Variants in SATL1 observed in about 807,000 individuals in gnomAD.
The protein encoded by SATL1 is spermidine/spermine N1-acetyl transferase like 1, also known as spermidine/spermine N(1)-acetyltransferase-like protein 1.
Under a neutral mutation model 51.8 loss-of-function variants are expected in SATL1, and 47 were observed. The ratio of observed to expected loss-of-function variants is 0.91; its 90% confidence interval spans 0.72 to 1.16. The LOEUF is 1.16. SATL1 is among the 50% of genes most tolerant of loss of function. The probability of loss-of-function intolerance (pLI) is 0.00; values close to 1 mark genes in which losing one functional copy is unlikely to be tolerated. For synonymous variants in SATL1, 176 were observed against 182.4 expected, an observed-to-expected ratio of 0.97 and a Z score of 0.28; for missense variants, 520 against 526.4, an observed-to-expected ratio of 0.99 and a Z score of 0.12.
intron 3 of SATL1, among the ~76,000 whole-genome samples, chrX:85,106,764 C>A (rs1438471270): frequency 1.8e-5 from 2 of 111,669 alleles, no homozygotes; most frequent in African/African-American, 6.5e-5. Context: ...CTCCTGGGGG[C>A]TGTCTGTGGA....
intron 2 of SATL1, among the ~76,000 whole-genome samples, chrX:85,133,637 C>G (rs947349585): frequency 2.7e-5 from 3 of 111,890 alleles, no homozygotes; most frequent in Admixed American, 9.4e-5. Context: ...CCTGCTTCAT[C>G]TTGCCTTCTG....
rs1309562431 is a variant in SATL1, at chrX:85,151,516, C to T, written c.-312-42236G>A. The stretch of plus-strand genomic sequence containing the variant: ...AGGAGCCTGCATTGCCAAGTCAATC[C>T]TAAGCCAAAAGAACAAAGCTGGAGG... On this transcript the variant is annotated intron_variant, in intron 2 of 7. Coordinates refer to ENST00000644105, the MANE Select transcript of SATL1 (RefSeq NM_001367857.2). Among the ~76,000 whole-genome samples, 5 of 111,526 alleles carry T rather than the reference C, an allele frequency of 4.5e-5. No individual in the cohort carries two copies. In the South Asian group the frequency reaches 1.9e-3, roughly 42 times the overall value.
chrX:85,116,122 T>C (rs1233040770), intron 2 of SATL1: 1 of 111,475 alleles, frequency 9.0e-6, no homozygotes, highest in Non-Finnish European at 1.9e-5. Context: ...GGGAAATGTA[T>C]CCAAGTCACA....
chrX:85,241,696 T>G (rs1928598127), intron 1 of SATL1, among the ~76,000 whole-genome samples: 1 of 111,790 alleles, frequency 8.9e-6, no homozygotes, highest in African/African-American at 3.3e-5. Flanking sequence ...ATCCTAGACT[T>G]CTAGTGGAAA....
chrX:85,216,281 C>T (rs760763124), intron 2 of SATL1, among the ~76,000 whole-genome samples: 15 of 110,917 alleles, frequency 1.4e-4, no homozygotes, highest in Non-Finnish European at 2.8e-4. Flanking sequence ...CCCACTAGGC[C>T]CCACCTCCAA....
intron 2 of SATL1, among the ~76,000 whole-genome samples, chrX:85,194,894 G>A (rs1169194602): frequency 1.8e-5 from 2 of 108,858 alleles, no homozygotes; most frequent in African/African-American, 6.7e-5. Flanking sequence ...GGTAGGGGAG[G>A]GATAGCATTA....
intron 2 of SATL1, among the ~76,000 whole-genome samples, chrX:85,145,105 C>A (rs966704590): frequency 4.5e-5 from 5 of 111,024 alleles, no homozygotes; most frequent in Non-Finnish European, 9.4e-5. Context: ...GCCTGCTACC[C>A]TTAGTGGCCT....
At chrX:85,092,644 T>C (rs1205647509) in intron 7 of SATL1, 83 bp from the exon 8 acceptor site, 5 of 881,586 alleles carry the variant, frequency 5.7e-6, no homozygotes, top group Non-Finnish European at 6.3e-6. Flanking sequence ...GAAGGTCTAC[T>C]CTATGCAAGA....
intron 2 of SATL1, among the ~76,000 whole-genome samples, chrX:85,195,023 T>C (rs1394967602): frequency 1.8e-5 from 2 of 109,493 alleles, no homozygotes; most frequent in Non-Finnish European, 3.8e-5. Context: ...AAAGTGTATA[T>C]ATATATATAT....
At position 85,225,994 on chromosome X, in the gene SATL1, C is replaced by T. The variant is rs1928271669; in HGVS notation, c.-434-1668G>A. Among the ~76,000 whole-genome samples the T allele has an allele frequency of 2.7e-5, 3 of 110,693 alleles. No homozygotes were observed. In the South Asian group the frequency reaches 1.2e-3, roughly 43 times the overall value. On this transcript the variant is annotated intron_variant, in intron 1 of 7. Coordinates refer to ENST00000644105, the MANE Select transcript of SATL1 (RefSeq NM_001367857.2). ...CACACTCATAGTCTCACAACCATTACCTGCTTTGATATTACTAGAATTATA... is the reference window on the plus strand; with the variant it reads ...CACACTCATAGTCTCACAACCATTATCTGCTTTGATATTACTAGAATTATA...
chrX:85,242,221 CTTT>C (rs1219323219), intron 1 of SATL1, among the ~76,000 whole-genome samples: 1 of 112,476 alleles, frequency 8.9e-6, no homozygotes, highest in East Asian at 2.8e-4. Flanking sequence ...CAGCTTTCTT[CTTT>C]GAGTGTCCTG....
intron 2 of SATL1, among the ~76,000 whole-genome samples, chrX:85,120,325 A>T (rs1925476977): frequency 9.0e-6 from 1 of 111,729 alleles, no homozygotes; most frequent in Middle Eastern, 4.2e-3. Flanking sequence ...AGGAAATCCC[A>T]GCTCCAAAAG....
At chrX:85,151,003 T>C (rs1338436448) in intron 2 of SATL1, among the ~76,000 whole-genome samples, 1 of 110,806 alleles carries the variant, frequency 9.0e-6, no homozygotes, top group Non-Finnish European at 1.9e-5. Flanking sequence ...GGGCATTCAA[T>C]TAGGAAAAGA....
intron 4 of SATL1, among the ~76,000 whole-genome samples, chrX:85,101,815 A>G (rs1924899671): frequency 9.0e-6 from 1 of 111,371 alleles, no homozygotes; most frequent in South Asian, 3.7e-4. Context: ...CATTATATAT[A>G]TACACAATGG....
chrX:85,234,896 T>G (rs148737469), intron 1 of SATL1, among the ~76,000 whole-genome samples: 27 of 110,499 alleles, frequency 2.4e-4, no homozygotes, highest in Non-Finnish European at 5.1e-4. Context: ...GACTTAACTC[T>G]CTAATCAAAA....
At chrX:85,138,434 G>A (rs1231865572) in intron 2 of SATL1, among the ~76,000 whole-genome samples, 1 of 111,795 alleles carries the variant, frequency 8.9e-6, no homozygotes, top group Admixed American at 9.5e-5. Flanking sequence ...CTGCAGCCCT[G>A]TTGATTTGGT....
At chrX:85,152,910 A>G in intron 2 of SATL1, among the ~76,000 whole-genome samples, 1 of 110,604 alleles carries the variant, frequency 9.0e-6, no homozygotes, top group South Asian at 3.9e-4. Context: ...TGGCACATGT[A>G]TACATATGTA....
intron 2 of SATL1, among the ~76,000 whole-genome samples, chrX:85,143,956 A>G (rs1047042374): frequency 3.6e-5 from 4 of 112,327 alleles, no homozygotes; most frequent in Non-Finnish European, 7.5e-5. Context: ...GAATCCATGT[A>G]AAAGGAAAGA....
chrX:85,124,589 C>CTAA (rs935722273), intron 2 of SATL1, among the ~76,000 whole-genome samples: 1 of 111,277 alleles, frequency 9.0e-6, no homozygotes, highest in African/African-American at 3.3e-5. Context: ...AGCAGGTTCA[C>CTAA]TAATAAGTAA....
Sources: allele counts gnomAD v4.1 joint callset (sites outside exome capture counted in the v4.1 genomes callset), GRCh38; gene constraint gnomAD v4.1.1; transcripts MANE v1.5; gene names NCBI Gene and HGNC (gene_info 2026-07-23, HGNC 2026-07-21).